Variants in GCSAML observed in about 807,000 individuals in gnomAD.
GCSAML encodes the protein germinal center associated signaling and motility like.
Under a neutral mutation model 13.0 loss-of-function variants are expected in GCSAML, and 9 were observed. The observed-to-expected ratio is 0.69, with a 90% confidence interval of 0.42 to 1.21. GCSAML has a LOEUF of 1.21. Ranked by LOEUF, GCSAML falls within the 50% of genes most tolerant of loss-of-function variation. The pLI, the probability that GCSAML is intolerant of heterozygous loss-of-function variation, is 0.00. For missense variants in GCSAML, 143 were observed against 153.4 expected, an observed-to-expected ratio of 0.93 and a Z score of 0.36; for synonymous variants, 37 against 52.9, an observed-to-expected ratio of 0.70 and a Z score of 1.31.
At chr1:247,567,743 G>C (rs935275136) in intron 4 of GCSAML, among the ~76,000 whole-genome samples, 1 of 152,160 alleles carries the variant, frequency 6.6e-6, no homozygotes, top group Admixed American at 6.5e-5. Context: ...GATCCTTGAG[G>C]AATTGCCACA....
chr1:247,570,173 A>C (rs1668545079), intron 4 of GCSAML, among the ~76,000 whole-genome samples: 1 of 151,992 alleles, frequency 6.6e-6, no homozygotes, highest in South Asian at 2.1e-4. Context: ...GGATTTATTG[A>C]TTTTTTGAAG....
At chr1:247,547,536 T>C (rs1267495364), upstream of GCSAML, among the ~76,000 whole-genome samples, 1 of 152,238 alleles carries the variant, frequency 6.6e-6, no homozygotes, top group Non-Finnish European at 1.5e-5. Flanking sequence ...TTGTGAGTAA[T>C]CAGATAAGAG....
At chr1:247,520,580 CT>C (rs1429834921) in intron 1 of GCSAML, among the ~76,000 whole-genome samples, 3 of 152,170 alleles carry the variant, frequency 2.0e-5, no homozygotes, top group Admixed American at 6.5e-5. Context: ...CTGGAGACCC[CT>C]AATACAGTTG....
chr1:247,562,331 G>A (rs1391074235), intron 2 of GCSAML, among the ~76,000 whole-genome samples: 2 of 152,204 alleles, frequency 1.3e-5, no homozygotes, highest in African/African-American at 4.8e-5. Context: ...TCCTCAGCGC[G>A]CCCGTGCCTG....
At chr1:247,573,974 G>A (rs1450702738) in intron 4 of GCSAML, among the ~76,000 whole-genome samples, 169 bp from the exon 5 acceptor site, 1 of 152,086 alleles carries the variant, frequency 6.6e-6, no homozygotes, top group Non-Finnish European at 1.5e-5. Flanking sequence ...GTTCACTCAT[G>A]ATTTGGCTCT....
intron 2 of GCSAML, among the ~76,000 whole-genome samples, chr1:247,559,767 G>C (rs1360247853): frequency 6.6e-6 from 1 of 152,108 alleles, no homozygotes; most frequent in Non-Finnish European, 1.5e-5. Flanking sequence ...GTCTGTCTTT[G>C]GCTTGTAGAT....
chr1:247,556,407 T>G lies in GCSAML; in HGVS notation c.30T>G (p.Ser10Arg). Residue 10 changes from serine (S) to arginine (R), a missense_variant and splice_region_variant, in exon 2 of 5, where the codon AGT becomes AGG. Physicochemically the swap from Ser to Arg is moderately radical, Grantham distance 110. Transcript: ENST00000366488. MGNYLLRKL[S>R]CLGENQKKPK... ...TTTTTTCTTATGTGTTTCCATATAG[T>G]TGCCTGGGAGAGAATCAAAAGAAGC... is the stretch of plus-strand genomic sequence containing the variant. 1 of 1,607,928 alleles carries G rather than the reference T, an allele frequency of 6.2e-7. No individual in the cohort carries two copies. The highest frequency in any genetic ancestry group is 1.3e-5 in the African/African-American group (1 of 74,842).
intron 1 of GCSAML, among the ~76,000 whole-genome samples, chr1:247,510,350 T>C (rs920271357): frequency 1.3e-5 from 2 of 152,142 alleles, no homozygotes; most frequent in Non-Finnish European, 2.9e-5. Context: ...TCAGTGGTGA[T>C]ACCTCCTTTA....
At chr1:247,570,105 T>C (rs1276544081) in intron 4 of GCSAML, among the ~76,000 whole-genome samples, 1 of 152,220 alleles carries the variant, frequency 6.6e-6, no homozygotes, top group African/African-American at 2.4e-5. Context: ...CTTTCTTCAT[T>C]ATTAGTCTGG....
chr1:247,537,041 A>G (rs931935870), intron 2 of GCSAML, among the ~76,000 whole-genome samples: 1 of 152,194 alleles, frequency 6.6e-6, no homozygotes, highest in Admixed American at 6.5e-5. Flanking sequence ...TTCTTTCACA[A>G]GACTGTACCA....
chr1:247,542,666 G>A (rs2103023996), intron 2 of GCSAML, among the ~76,000 whole-genome samples: 1 of 152,290 alleles, frequency 6.6e-6, no homozygotes, highest in Non-Finnish European at 1.5e-5. Context: ...CCTAAACTAA[G>A]CCTGAAACAG....
At chr1:247,529,701 G>C (rs78369064) in intron 2 of GCSAML, 1 of 146,612 alleles carries the variant, frequency 6.8e-6, no homozygotes, top group African/African-American at 2.5e-5. Context: ...CACAAGCCTC[G>C]GTGTTACTGT....
In GCSAML at chr1:247,563,466, T is replaced by C. The variant is rs561629900; in HGVS notation, c.90-124T>C. ...GGAGTAAGCAGCCTTTTAATTGTAT[T>C]TAATATTTGCATGGAAAATCTAACA... On this transcript the variant is annotated intron_variant, in intron 2 of 4. Coordinates refer to ENST00000366488, the MANE Select transcript of GCSAML (RefSeq NM_145278.5). The C allele has an allele frequency of 1.3e-4, 72 of 563,730 alleles. 1 individual carries two copies. The East Asian group carries it at 1.7e-3, about 14-fold the overall frequency. The allele number at this position is 563,730 out of a possible 1,614,324, so 34.9% of individuals were successfully genotyped here.
intron 1 of GCSAML, among the ~76,000 whole-genome samples, chr1:247,522,308 C>CCGGGAGGGAGGTGGGGGG (rs1416095482): frequency 1.4e-5 from 2 of 138,078 alleles, no homozygotes; most frequent in Non-Finnish European, 3.2e-5. Context: ...GGGGGCGCCT[C>CCGGGAGGGAGGTGGGGGG]CACCTGGCCG....
intron 2 of GCSAML, among the ~76,000 whole-genome samples, chr1:247,557,278 A>G (rs966891874): frequency 1.3e-5 from 2 of 152,174 alleles, no homozygotes; most frequent in African/African-American, 4.8e-5. Context: ...TTCATAGACC[A>G]TACGCACTTT....
chr1:247,546,656 C>T (rs996848457), upstream of GCSAML, among the ~76,000 whole-genome samples: 13 of 152,106 alleles, frequency 8.5e-5, no homozygotes, highest in South Asian at 2.1e-4. Context: ...CCACCGCGCC[C>T]GGCTGAAAAT....
At chr1:247,571,770 C>T (rs1013424571) in intron 4 of GCSAML, among the ~76,000 whole-genome samples, 4 of 152,188 alleles carry the variant, frequency 2.6e-5, no homozygotes, top group Admixed American at 2.6e-4. Flanking sequence ...GGGAAATTCT[C>T]CTGGATAATA....
At chr1:247,561,732 G>A (rs76305060) in intron 2 of GCSAML, among the ~76,000 whole-genome samples, 5,472 of 151,710 alleles carry the variant, frequency 0.036, 107 homozygotes, top group Middle Eastern at 0.062. Flanking sequence ...CTTTTGTTAC[G>A]CATTTCATCT....
intron 2 of GCSAML, among the ~76,000 whole-genome samples, chr1:247,560,367 T>C (rs1044175391): frequency 1.3e-5 from 2 of 151,940 alleles, no homozygotes; most frequent in Non-Finnish European, 2.9e-5. Context: ...GAACACATCT[T>C]CTTTCCTTGG....
Sources: gnomAD v4.1 joint callset for allele counts (sites outside exome capture counted in the v4.1 genomes callset) on GRCh38, gnomAD v4.1.1 for gene constraint, MANE v1.5 for transcripts, NCBI Gene and HGNC (gene_info 2026-07-23, HGNC 2026-07-21) for gene names.